ACSS1: variants seen among roughly 807,000 people sequenced by gnomAD.
ACSS1 encodes the protein acyl-CoA synthetase short chain family member 1, also known as acetyl-coenzyme A synthetase 2-like, mitochondrial.
ACSS1 carries 42 observed loss-of-function variants against 75.3 expected under a neutral mutation model. That is an observed-to-expected ratio of 0.56 (90% CI 0.44 to 0.72). ACSS1 has a LOEUF of 0.72. Ranked by LOEUF, ACSS1 falls within the 30% of genes least tolerant of loss-of-function variation. ACSS1 has a pLI of 0.00. For synonymous variants in ACSS1, 380 were observed against 376.8 expected, an observed-to-expected ratio of 1.01 and a Z score of -0.10; for missense variants, 782 against 935.7, an observed-to-expected ratio of 0.84 and a Z score of 2.14.
intron 4 of ACSS1, 84 bp from the exon 5 acceptor site, chr20:25,023,176 C>G: frequency 6.7e-7 from 1 of 1,484,070 alleles, no homozygotes; most frequent in Non-Finnish European, 9.0e-7. Flanking sequence ...CAGGACTCCA[C>G]ACACAGGATT....
intron 3 of ACSS1, among the ~76,000 whole-genome samples, chr20:25,026,267 T>C (rs1328210047): frequency 6.6e-6 from 1 of 152,154 alleles, no homozygotes; most frequent in African/African-American, 2.4e-5. Context: ...TTCTTTCACC[T>C]GCTCTTATAG....
chr20:25,053,362 G>A (rs929388175), intron 1 of ACSS1, among the ~76,000 whole-genome samples: 3 of 151,918 alleles, frequency 2.0e-5, no homozygotes, highest in African/African-American at 2.4e-5. Context: ...ACGGCGCCTG[G>A]CCCACAATGG....
Position 25,007,713 on chromosome 20 carries a change from G to A in ACSS1, c.*49C>T, listed in dbSNP as rs2088333494. Reference sequence around the variant, plus strand: ...CAGGGGTACCTTCTGGGAAGGACAAGCCAGGGCTTGGGTGCCCGCCCATCC... The same window carrying A: ...CAGGGGTACCTTCTGGGAAGGACAAACCAGGGCTTGGGTGCCCGCCCATCC... On this transcript the variant is annotated 3_prime_UTR_variant, in exon 14 of 14. Transcript: ENST00000323482. The A allele has an allele frequency of 1.3e-6, 2 of 1,599,724 alleles. No individual in the cohort carries two copies. The highest frequency in any genetic ancestry group is 4.5e-5 in the East Asian group (2 of 44,730).
intron 12 of ACSS1, 80 bp from the exon 13 acceptor site, chr20:25,009,468 C>T: frequency 8.6e-7 from 1 of 1,166,042 alleles, no homozygotes; most frequent in South Asian, 1.3e-5. Flanking sequence ...TATGCACAGA[C>T]TGCCAGAAAT....
At chr20:25,045,620 A>G (rs770661045) in intron 2 of ACSS1, among the ~76,000 whole-genome samples, 2 of 152,236 alleles carry the variant, frequency 1.3e-5, no homozygotes, top group Admixed American at 6.5e-5. Flanking sequence ...GCCTGCAACC[A>G]TCCTAGGCAC....
At chr20:25,051,290 A>G (rs1459250943) in intron 1 of ACSS1, among the ~76,000 whole-genome samples, 1 of 152,200 alleles carries the variant, frequency 6.6e-6, no homozygotes, top group African/African-American at 2.4e-5. Context: ...GTCTGGGTTC[A>G]GGTAGCCTGG....
rs2088814386 is a variant in ACSS1 at position 25,030,966 on chromosome 20, A to T, written c.432-8T>A. The T allele has an allele frequency of 1.9e-6, 3 of 1,613,426 alleles. No homozygotes were observed. In the African/African-American group the frequency reaches 4.0e-5, roughly 22 times the overall value. On this transcript the variant is annotated splice_region_variant and splice_polypyrimidine_tract_variant and intron_variant, in intron 2 of 13. Transcript: ENST00000323482. The stretch of plus-strand genomic sequence containing the variant: ...GTGGTCTCCAGTAGTTCCCTGCAGC[A>T]CAGGGAAGAGAAAGCCATCAGAGAT...
chr20:25,012,775 G>T, intron 11 of ACSS1, 37 bp downstream of exon 11: 2 of 1,613,578 alleles, frequency 1.2e-6, no homozygotes, highest in Non-Finnish European at 1.7e-6. Context: ...CATCATGGAG[G>T]TGTAGGAGTG....
At chr20:25,016,592 C>T (rs1400998466) in intron 7 of ACSS1, among the ~76,000 whole-genome samples, 3 of 152,238 alleles carry the variant, frequency 2.0e-5, no homozygotes, top group African/African-American at 7.2e-5. Flanking sequence ...GTGGCCCCCG[C>T]ATCCATGCTG....
At chr20:25,008,679 C>T (rs981728732) in intron 13 of ACSS1, among the ~76,000 whole-genome samples, 2 of 152,170 alleles carry the variant, frequency 1.3e-5, no homozygotes, top group Non-Finnish European at 2.9e-5. Context: ...TGATTCTGAC[C>T]CCCTGGGTTG....
intron 2 of ACSS1, among the ~76,000 whole-genome samples, chr20:25,047,448 G>A (rs1040490340): frequency 6.6e-6 from 1 of 152,204 alleles, no homozygotes; most frequent in African/African-American, 2.4e-5. Context: ...TGTGCTTGGG[G>A]ATTGTCTGTT....
chr20:25,031,516 C>T (rs1016146456), intron 2 of ACSS1, among the ~76,000 whole-genome samples: 1 of 152,208 alleles, frequency 6.6e-6, no homozygotes, highest in Non-Finnish European at 1.5e-5. Context: ...ATAAATGTCA[C>T]TTCGTCAGCC....
chr20:25,047,078 G>C (rs1205127507), intron 2 of ACSS1, among the ~76,000 whole-genome samples: 1 of 152,210 alleles, frequency 6.6e-6, no homozygotes, highest in African/African-American at 2.4e-5. Flanking sequence ...AAGTCAGCAT[G>C]AGCACGGTTT....
Position 25,047,975 on chromosome 20 carries a change from C to G in ACSS1, c.431+110G>C, listed in dbSNP as rs965688480. On this transcript the variant is annotated intron_variant, in intron 2 of 13. Transcript: ENST00000323482. ...CCTGGATAAGAGAGCACTTGCAAAGCCAAAATGCACTCCCTGAGACTCAGA... is the reference window on the plus strand; with the variant it reads ...CCTGGATAAGAGAGCACTTGCAAAGGCAAAATGCACTCCCTGAGACTCAGA... The G allele has an allele frequency of 5.4e-6, 5 of 917,490 alleles. No homozygotes were observed. In the African/African-American group the frequency reaches 8.3e-5, roughly 15 times the overall value. The allele number at this position is 917,490 out of a possible 1,614,324, so 56.8% of individuals were successfully genotyped here.
At chr20:25,020,341 C>T (rs1056135183) in intron 6 of ACSS1, among the ~76,000 whole-genome samples, 194 bp from the exon 7 acceptor site, 61 of 151,710 alleles carry the variant, frequency 4.0e-4, no homozygotes, top group Non-Finnish European at 2.1e-4. Context: ...CCCCAATGGC[C>T]GCTCTCCTCC....
At chr20:25,024,315 G>C (rs1335257920) in intron 3 of ACSS1, among the ~76,000 whole-genome samples, 1 of 152,230 alleles carries the variant, frequency 6.6e-6, no homozygotes, top group African/African-American at 2.4e-5. Context: ...GCCCAGAGCA[G>C]AGAAGAGGGG....
intron 6 of ACSS1, among the ~76,000 whole-genome samples, chr20:25,020,548 C>T (rs1025450036): frequency 2.6e-5 from 4 of 152,370 alleles, no homozygotes; most frequent in Non-Finnish European, 4.4e-5. Context: ...GCTGCCACTG[C>T]GTGTGTCCCA....
chr20:25,043,685 C>A (rs2089040605), intron 2 of ACSS1, among the ~76,000 whole-genome samples: 1 of 152,218 alleles, frequency 6.6e-6, no homozygotes, highest in Admixed American at 6.5e-5. Context: ...AGAAATCACC[C>A]CCACCAGCAG....
At chr20:25,011,477 G>C (rs1426437240) in intron 12 of ACSS1, 1 of 152,266 alleles carries the variant, frequency 6.6e-6, no homozygotes, top group Non-Finnish European at 1.5e-5. Flanking sequence ...GATGTGAAAT[G>C]CAGGAGTCCT....
Sources: gnomAD v4.1 joint callset for allele counts (sites outside exome capture counted in the v4.1 genomes callset) on GRCh38, gnomAD v4.1.1 for gene constraint, MANE v1.5 for transcripts, NCBI Gene and HGNC (gene_info 2026-07-23, HGNC 2026-07-21) for gene names.